AMOTL1: variants seen among roughly 807,000 people sequenced by gnomAD.
The protein encoded by AMOTL1 is angiomotin like 1, also known as angiomotin-like protein 1.
In AMOTL1, 45 loss-of-function variants were observed where a neutral mutation model predicts 102.9. That is an observed-to-expected ratio of 0.44 (90% CI 0.34 to 0.56). The LOEUF (loss-of-function observed/expected upper bound fraction) is 0.56, where lower values mean the gene tolerates loss of function less well. Ranked by LOEUF, AMOTL1 falls within the 20% of genes least tolerant of loss-of-function variation. The pLI is 0.01. For synonymous variants in AMOTL1, 481 were observed against 484.7 expected, an observed-to-expected ratio of 0.99 and a Z score of 0.10; for missense variants, 1,114 against 1,225.6, an observed-to-expected ratio of 0.91 and a Z score of 1.36.
chr11:94,757,811 C>T (rs1897205), intron 3 of AMOTL1, among the ~76,000 whole-genome samples: 14,725 of 152,216 alleles, frequency 0.097, 1,448 homozygotes, highest in East Asian at 0.28. Flanking sequence ...CCTGTAATCC[C>T]AGCACTTTGG....
intron 3 of AMOTL1, among the ~76,000 whole-genome samples, chr11:94,758,124 A>T (rs952487964): frequency 2.0e-5 from 3 of 152,234 alleles, no homozygotes; most frequent in African/African-American, 7.2e-5. Flanking sequence ...TGTTAATTTC[A>T]TTTAATTAAT....
chr11:94,805,320 A>G (rs1300552161), intron 3 of AMOTL1, among the ~76,000 whole-genome samples: 1 of 152,128 alleles, frequency 6.6e-6, no homozygotes, highest in Non-Finnish European at 1.5e-5. Flanking sequence ...TTTTCTTCAG[A>G]TATCTGGGAA....
chr11:94,823,378 C>G (rs565751933), intron 4 of AMOTL1, among the ~76,000 whole-genome samples: 2 of 152,254 alleles, frequency 1.3e-5, no homozygotes, highest in South Asian at 2.1e-4. Flanking sequence ...CTCCCACCCC[C>G]TCTTGCACCC....
intron 6 of AMOTL1, among the ~76,000 whole-genome samples, chr11:94,841,642 G>A (rs2135689842): frequency 6.6e-6 from 1 of 152,332 alleles, no homozygotes; most frequent in Middle Eastern, 3.4e-3. Flanking sequence ...GCTGTCAGCA[G>A]TGATGTCGAA....
chr11:94,750,918 G>A (rs1379811532), intron 3 of AMOTL1, among the ~76,000 whole-genome samples: 1 of 152,166 alleles, frequency 6.6e-6, no homozygotes, highest in Non-Finnish European at 1.5e-5. Context: ...GAACAACTTA[G>A]TGAAGCAGAT....
At chr11:94,829,531 T>C (rs192964930) in intron 4 of AMOTL1, among the ~76,000 whole-genome samples, 10 of 152,280 alleles carry the variant, frequency 6.6e-5, no homozygotes, top group African/African-American at 2.4e-4. Context: ...GATAATTTTA[T>C]AGACAAAGGA....
chr11:94,793,867 C>G (rs148338860), intron 1 of AMOTL1, among the ~76,000 whole-genome samples: 4 of 152,176 alleles, frequency 2.6e-5, no homozygotes, highest in African/African-American at 9.7e-5. Context: ...GAAAAAAATT[C>G]TTGTCAGAAT....
Position 94,799,338 on chromosome 11 carries a change from T to TA in AMOTL1, c.200-51dup. 7.2e-7 allele frequency: 1 copy of TA among 1,394,324 alleles called. No homozygotes were observed. Among genetic ancestry groups the TA allele is most frequent in the Non-Finnish European group, 9.7e-7 (1 of 1,028,738 alleles). 86.4% of individuals were successfully genotyped at this position (1,394,324 alleles called of 1,614,324 possible). ...ATTATGTACCACATAGTCACAGACA[T>TA]ATATCTCCTGTGGAGCTGCCTGATA... On this transcript the variant is annotated intron_variant, in intron 2 of 12. Transcript: ENST00000433060. This position sits in a 1 kb window ranked among gnomAD's most constrained non-coding sequence, Gnocchi z 4.5.
intron 12 of AMOTL1, 62 bp downstream of exon 12, chr11:94,869,535 T>G: frequency 6.7e-7 from 1 of 1,492,064 alleles, no homozygotes; most frequent in Non-Finnish European, 9.0e-7. Context: ...CCTAAGAGAA[T>G]CTTTTGTTGA....
At chr11:94,867,349 G>A (rs1380438836) in intron 11 of AMOTL1, among the ~76,000 whole-genome samples, 13 of 152,316 alleles carry the variant, frequency 8.5e-5, no homozygotes, top group African/African-American at 1.7e-4. Context: ...CTAGAGAGCT[G>A]GGAGGCAGTG....
intron 1 of AMOTL1, among the ~76,000 whole-genome samples, chr11:94,727,592 T>G (rs1260788297): frequency 6.6e-6 from 1 of 152,150 alleles, no homozygotes; most frequent in Admixed American, 6.5e-5. Context: ...CTGGGAGGCC[T>G]GAAGAGGTCT....
intron 3 of AMOTL1, among the ~76,000 whole-genome samples, chr11:94,747,423 C>T (rs570848166): frequency 6.6e-6 from 1 of 152,288 alleles, no homozygotes; most frequent in Admixed American, 6.5e-5. Flanking sequence ...CCCCTGAGGG[C>T]CAATATGCAA....
chr11:94,790,252 T>C (rs1221920927), intron 1 of AMOTL1, among the ~76,000 whole-genome samples: 2 of 152,194 alleles, frequency 1.3e-5, no homozygotes, highest in African/African-American at 2.4e-5. Flanking sequence ...TTGCAGAAAT[T>C]AGCAAGTACA....
intron 6 of AMOTL1, among the ~76,000 whole-genome samples, chr11:94,832,091 A>T (rs1275528193): frequency 6.6e-6 from 1 of 152,228 alleles, no homozygotes; most frequent in Non-Finnish European, 1.5e-5. Context: ...TATTGGGAGA[A>T]TATTTTATTA....
intron 4 of AMOTL1, among the ~76,000 whole-genome samples, chr11:94,824,764 C>T (rs986360889): frequency 2.6e-5 from 4 of 152,190 alleles, no homozygotes; most frequent in South Asian, 2.1e-4. Flanking sequence ...GCTGTACAAT[C>T]TTGTAGGATA....
intron 3 of AMOTL1, among the ~76,000 whole-genome samples, chr11:94,744,509 G>A (rs906233076): frequency 1.3e-5 from 2 of 152,172 alleles, no homozygotes. Context: ...TTGGCCATGG[G>A]TGATTAACTC....
Position 94,853,920 on chromosome 11 carries a change from C to T in AMOTL1, c.1795-13C>T, listed in dbSNP as rs747253166. On this transcript the variant is annotated splice_polypyrimidine_tract_variant and intron_variant, in intron 7 of 12. Coordinates refer to ENST00000433060, the MANE Select transcript of AMOTL1 (RefSeq NM_130847.3). ...TCTAAATTCTGTGCTCTTTTTTACTCTTCTCCACTCAGTTACGAGAGAAGC... is the reference window on the plus strand; with the variant it reads ...TCTAAATTCTGTGCTCTTTTTTACTTTTCTCCACTCAGTTACGAGAGAAGC... The T allele has an allele frequency of 2.2e-5, 35 of 1,604,740 alleles. No homozygotes were observed. Among genetic ancestry groups the T allele is most frequent in the Admixed American group, 3.4e-5 (2 of 58,788 alleles).
intron 7 of AMOTL1, among the ~76,000 whole-genome samples, chr11:94,850,506 C>A (rs1952512991): frequency 6.6e-6 from 1 of 152,246 alleles, no homozygotes; most frequent in South Asian, 2.1e-4. Flanking sequence ...GTGTGAAGCC[C>A]AGCCTACAGC....
intron 6 of AMOTL1, among the ~76,000 whole-genome samples, chr11:94,834,700 G>A (rs752595706): frequency 3.9e-5 from 6 of 152,194 alleles, no homozygotes; most frequent in Non-Finnish European, 7.3e-5. Context: ...GAAGGGAGAA[G>A]TAGAGAATAA....
Sources: allele counts gnomAD v4.1 joint callset (sites outside exome capture counted in the v4.1 genomes callset), GRCh38; gene constraint gnomAD v4.1.1; non-coding constraint Gnocchi (gnomAD v3.1); transcripts MANE v1.5; gene names NCBI Gene and HGNC (gene_info 2026-07-23, HGNC 2026-07-21).